ZNF385B: variants seen among roughly 807,000 people sequenced by gnomAD.
The protein encoded by ZNF385B is zinc finger protein 385B, also known as zinc finger protein 533.
In ZNF385B, 23 loss-of-function variants were observed where a neutral mutation model predicts 39.2. The observed-to-expected ratio is 0.59, with a 90% CI of 0.42 to 0.83. The LOEUF (loss-of-function observed/expected upper bound fraction) is 0.83, where lower values mean the gene tolerates loss of function less well. ZNF385B is among the 40% of genes least tolerant of loss of function. The pLI, the probability that ZNF385B is intolerant of heterozygous loss-of-function variation, is 0.00. For synonymous variants in ZNF385B, 205 were observed against 222.6 expected (o/e 0.92, Z 0.70); for missense variants, 552 against 598.9 (o/e 0.92, Z 0.82).
In ZNF385B at chr2:179,504,118, T is replaced by C. The variant is rs1363468134; in HGVS notation, c.552+14410A>G. Among the ~76,000 whole-genome samples, 148 of 149,936 alleles carry C rather than the reference T, an allele frequency of 9.9e-4. 2 individuals are homozygous for C. The highest frequency in any genetic ancestry group is 9.7e-3 in the Admixed American group (146 of 15,046). On this transcript the variant is annotated intron_variant, in intron 5 of 9. Coordinates refer to ENST00000410066, the MANE Select transcript of ZNF385B (RefSeq NM_152520.6). ...TTCAATTCCCACCTATGAGTGAGAATATGTGGTGTTTGGTTTTTTGTTCTT... is the reference window on the plus strand; with the variant it reads ...TTCAATTCCCACCTATGAGTGAGAACATGTGGTGTTTGGTTTTTTGTTCTT...
Position 179,544,974 on chromosome 2 carries a change from C to T in ZNF385B, c.299-5G>A, listed in dbSNP as rs373686757. The T allele has an allele frequency of 3.1e-6, 5 of 1,613,614 alleles. No homozygotes were observed. The South Asian group carries it at 4.4e-5, about 14-fold the overall frequency. On this transcript the variant is annotated splice_region_variant and splice_polypyrimidine_tract_variant and intron_variant, in intron 3 of 9. Transcript: ENST00000410066. Reference sequence around the variant, plus strand: ...TAGTAGTGTGGCATGTACTGCCTGCCAAGAACAAAACAAAAATGAATTCAA... The same window carrying T: ...TAGTAGTGTGGCATGTACTGCCTGCTAAGAACAAAACAAAAATGAATTCAA...
chr2:179,530,303 A>C (rs1449869317), intron 4 of ZNF385B, among the ~76,000 whole-genome samples: 1 of 152,182 alleles, frequency 6.6e-6, no homozygotes, highest in African/African-American at 2.4e-5. Context: ...GGAGAGGAAA[A>C]AAAGTATACG....
intron 1 of ZNF385B, among the ~76,000 whole-genome samples, chr2:179,841,601 A>G (rs259833): frequency 0.48 from 73,349 of 152,078 alleles, 18,599 homozygotes; most frequent in African/African-American, 0.61. Context: ...GTTGTAGAAT[A>G]TTTAACAGCT....
At chr2:179,768,889 C>A (rs1205831265) in intron 3 of ZNF385B, among the ~76,000 whole-genome samples, 2 of 152,154 alleles carry the variant, frequency 1.3e-5, no homozygotes, top group South Asian at 2.1e-4. Context: ...ATCCAGCCCA[C>A]AAGGAAAGGG....
rs916940685 is a variant in ZNF385B, at chr2:179,443,442, C to A, written c.1269G>T (p.Met423Ile). ...GGAAGGCTGGGGCCAAAGGCTTCAT[C>A]ATATCTTTCTGGAATGCAAGTTTTG... is the stretch of plus-strand genomic sequence containing the variant. ...LAAKLAFQKD[M>I]MKPLAPAFLS... is the part of the protein sequence containing the mutation. The change falls in exon 10 of 10, where the codon ATG (methionine) becomes ATT (isoleucine). Residue 423 changes from methionine (M) to isoleucine (I), a missense_variant. Met to Ile is a conservative substitution (Grantham distance 10, BLOSUM62 1). Coordinates refer to ENST00000410066, the MANE Select transcript of ZNF385B (RefSeq NM_152520.6). 6.2e-6 allele frequency: 10 copies of A among 1,606,080 alleles called. No homozygotes were observed.
At chr2:179,733,577 T>C (rs2106433671) in intron 3 of ZNF385B, among the ~76,000 whole-genome samples, 1 of 152,206 alleles carries the variant, frequency 6.6e-6, no homozygotes, top group South Asian at 2.1e-4. Context: ...GGTCAGGAGA[T>C]TGAGACTATC....
At chr2:179,468,724 C>T (rs2052398112) in intron 6 of ZNF385B, among the ~76,000 whole-genome samples, 1 of 152,126 alleles carries the variant, frequency 6.6e-6, no homozygotes, top group African/African-American at 2.4e-5. Flanking sequence ...GAGGTGGACA[C>T]TGGCAATGGA....
intron 3 of ZNF385B, among the ~76,000 whole-genome samples, chr2:179,765,435 C>T (rs1456209722): frequency 2.0e-5 from 3 of 152,132 alleles, no homozygotes; most frequent in Non-Finnish European, 2.9e-5. Flanking sequence ...TACATGGTTC[C>T]AGGGCTCAGG....
chr2:179,454,873 C>G (rs2050514489), intron 6 of ZNF385B, among the ~76,000 whole-genome samples: 1 of 152,092 alleles, frequency 6.6e-6, no homozygotes, highest in Admixed American at 6.6e-5. Flanking sequence ...AGTTTAAAAA[C>G]ATTTGGAGTT....
intron 3 of ZNF385B, among the ~76,000 whole-genome samples, chr2:179,642,819 T>G (rs978705289): frequency 1.3e-5 from 2 of 152,154 alleles, no homozygotes; most frequent in African/African-American, 4.8e-5. Context: ...GATAAAGTAG[T>G]AAAAATGATT....
Position 179,749,439 on chromosome 2 carries a change from G to A in ZNF385B, c.298+20064C>T, listed in dbSNP as rs574109976. ...TCACAGCTGGCCCAAAAACCAGCTC[G>A]AGAAAAACCATTAGGTGCCAAGGAC... is the stretch of plus-strand genomic sequence containing the variant. On this transcript the variant is annotated intron_variant, in intron 3 of 9. Coordinates refer to ENST00000410066, the MANE Select transcript of ZNF385B (RefSeq NM_152520.6). Among the ~76,000 whole-genome samples the A allele has an allele frequency of 9.2e-5, 14 of 152,036 alleles. No homozygotes were observed. In the South Asian group the frequency reaches 2.1e-3, roughly 23 times the overall value.
chr2:179,542,502 TTCTCAA>T (rs1261332314), intron 4 of ZNF385B, among the ~76,000 whole-genome samples: 57 of 152,316 alleles, frequency 3.7e-4, no homozygotes, highest in African/African-American at 1.3e-3. Context: ...TCTTTGGGTT[TTCTCAA>T]ATATATCATA....
intron 3 of ZNF385B, among the ~76,000 whole-genome samples, chr2:179,736,337 AT>A (rs538205017): frequency 7.3e-5 from 11 of 151,458 alleles, no homozygotes; most frequent in African/African-American, 2.2e-4. Context: ...AATTTTGCAG[AT>A]TTTTTTTTAG....
At position 179,713,960 on chromosome 2, in the gene ZNF385B, A is replaced by T. The variant is rs185330574; in HGVS notation, c.298+55543T>A. On this transcript the variant is annotated intron_variant, in intron 3 of 9. Coordinates refer to ENST00000410066, the MANE Select transcript of ZNF385B (RefSeq NM_152520.6). ...ATCTAGCCTCCAGAATAGATATCAT[A>T]AAATAATATTCCTTGATAAATACTT... Among the ~76,000 whole-genome samples the T allele has an allele frequency of 1.4e-4, 21 of 152,336 alleles. 1 individual carries two copies. Among genetic ancestry groups the T allele is most frequent in the Admixed American group, 1.2e-3 (19 of 15,306 alleles).
At chr2:179,592,908 G>A (rs1687692135) in intron 3 of ZNF385B, among the ~76,000 whole-genome samples, 1 of 152,038 alleles carries the variant, frequency 6.6e-6, no homozygotes, top group African/African-American at 2.4e-5. Flanking sequence ...TACATTATAA[G>A]GGAATGTCAA....
chr2:179,621,758 A>G (rs906903557), intron 3 of ZNF385B, among the ~76,000 whole-genome samples: 4 of 152,168 alleles, frequency 2.6e-5, no homozygotes, highest in African/African-American at 9.7e-5. Flanking sequence ...GGGACAGTGA[A>G]TCACCTCCGT....
In ZNF385B at chr2:179,835,769, T is replaced by C. The variant is rs369758586; in HGVS notation, c.-155+25332A>G. ...CTCTAGACCCTTCATATCATGTGGGTCCTGGCTGGGGTGTCACTCTCTTGG... is the reference window on the plus strand; with the variant it reads ...CTCTAGACCCTTCATATCATGTGGGCCCTGGCTGGGGTGTCACTCTCTTGG... On this transcript the variant is annotated intron_variant, in intron 1 of 9. Coordinates refer to ENST00000410066, the MANE Select transcript of ZNF385B (RefSeq NM_152520.6). 1.2e-4 allele frequency among the ~76,000 whole-genome samples: 18 copies of C among 152,168 alleles called. 1 individual carries two copies. The highest frequency in any genetic ancestry group is 4.2e-4 in the South Asian group (2 of 4,814).
intron 3 of ZNF385B, among the ~76,000 whole-genome samples, chr2:179,699,779 G>A (rs1000853360): frequency 2.6e-5 from 4 of 152,152 alleles, no homozygotes; most frequent in Non-Finnish European, 4.4e-5. Context: ...GTTGGCGGTT[G>A]ATGGCATATA....
At position 179,769,811 on chromosome 2, in the gene ZNF385B, C is replaced by CA. The variant is rs972094509; in HGVS notation, c.-2-10dup. 6.3e-7 allele frequency: 1 copy of CA among 1,590,756 alleles called. No individual in the cohort carries two copies. The highest frequency in any genetic ancestry group is 8.6e-7 in the Non-Finnish European group (1 of 1,167,300). On this transcript the variant is annotated splice_polypyrimidine_tract_variant and intron_variant, in intron 2 of 9. Transcript: ENST00000410066. ...TAAGGAGTACCTCATGCCTGAAAAA[C>CA]AAAACAAGTACAAGTGCTTCTGAAA...
Sources: allele counts gnomAD v4.1 joint callset (sites outside exome capture counted in the v4.1 genomes callset), GRCh38; gene constraint gnomAD v4.1.1; transcripts MANE v1.5; gene names NCBI Gene and HGNC (gene_info 2026-07-23, HGNC 2026-07-21).